Variants in FGF12 observed in about 807,000 individuals in gnomAD.
The protein encoded by FGF12 is fibroblast growth factor 12, also known as fibroblast growth factor 12B.
In FGF12, 14 loss-of-function variants were observed where a neutral mutation model predicts 23.6. The ratio of observed to expected loss-of-function variants is 0.59; its 90% CI spans 0.39 to 0.93. FGF12 has a LOEUF of 0.93. Among genes scored for constraint, FGF12 ranks in the 40% least tolerant of loss-of-function variants. FGF12 has a pLI of 0.00. For missense variants in FGF12, 175 were observed against 217.8 expected (o/e 0.80, Z 1.24); for synonymous variants, 62 against 77.3 (o/e 0.80, Z 1.04).
At chr3:192,572,174 T>C (rs1005779932) in intron 2 of FGF12, among the ~76,000 whole-genome samples, 5 of 152,228 alleles carry the variant, frequency 3.3e-5, no homozygotes, top group African/African-American at 1.2e-4. Flanking sequence ...TCTTTGTTTT[T>C]TATTTCTTCT....
At chr3:192,248,166 A>G (rs1711752636) in intron 4 of FGF12, among the ~76,000 whole-genome samples, 1 of 152,238 alleles carries the variant, frequency 6.6e-6, no homozygotes, top group Admixed American at 6.5e-5. Context: ...ACATGTTCAA[A>G]GGAGCTGAGA....
rs1713538096 is a variant in FGF12 at position 192,143,763 on chromosome 3, T to C, written c.*246A>G. ...TATTTATGGAGTTCTGATTTATTTT[T>C]TCCTTTGCTTTTAAGTGTGCTAATC... On this transcript the variant is annotated 3_prime_UTR_variant, in exon 6 of 6. Transcript: ENST00000445105. The C allele has an allele frequency of 2.5e-6, 1 of 397,934 alleles. No homozygotes were observed. The highest frequency in any genetic ancestry group is 4.3e-5 in the East Asian group (1 of 23,408). The allele number at this position is 397,934 out of a possible 1,614,324, so 24.7% of individuals were successfully genotyped here.
chr3:192,539,768 C>T (rs148460676), intron 2 of FGF12, among the ~76,000 whole-genome samples: 1 of 151,982 alleles, frequency 6.6e-6, no homozygotes. Flanking sequence ...ACCATTGAAG[C>T]CATCAGGTTC....
At chr3:192,468,104 A>G (rs1723063248) in intron 2 of FGF12, among the ~76,000 whole-genome samples, 1 of 152,206 alleles carries the variant, frequency 6.6e-6, no homozygotes. Context: ...TGAATACATA[A>G]GAGACATGGA....
At chr3:192,302,086 A>C (rs1715379848) in intron 4 of FGF12, among the ~76,000 whole-genome samples, 1 of 152,220 alleles carries the variant, frequency 6.6e-6, no homozygotes, top group Non-Finnish European at 1.5e-5. Context: ...AAGTGAGCAC[A>C]ACACTTGCTT....
chr3:192,355,227 T>A (rs182604587), intron 3 of FGF12, among the ~76,000 whole-genome samples: 1 of 152,338 alleles, frequency 6.6e-6, no homozygotes, highest in Admixed American at 6.5e-5. Flanking sequence ...TATAGGATTG[T>A]TTGTATTAGC....
chr3:192,158,353 T>TCTTA (rs1368337318), intron 5 of FGF12, among the ~76,000 whole-genome samples: 1 of 100,358 alleles, frequency 1.0e-5, no homozygotes, highest in African/African-American at 4.1e-5. Flanking sequence ...TTTCTTTCTT[T>TCTTA]CTTTCTTTCT....
At chr3:192,482,759 G>T (rs1215130138) in intron 2 of FGF12, among the ~76,000 whole-genome samples, 1 of 151,962 alleles carries the variant, frequency 6.6e-6, no homozygotes, top group East Asian at 1.9e-4. Flanking sequence ...ACTCCCTTCA[G>T]CAGTAAAACA....
At chr3:192,178,988 G>T (rs561666314) in intron 4 of FGF12, among the ~76,000 whole-genome samples, 3 of 152,286 alleles carry the variant, frequency 2.0e-5, no homozygotes, top group South Asian at 4.1e-4. Context: ...CTTCTGATTT[G>T]CTAACTTCAT....
chr3:192,646,758 A>C (rs1716019431), intron 2 of FGF12, among the ~76,000 whole-genome samples: 1 of 152,200 alleles, frequency 6.6e-6, no homozygotes, highest in Non-Finnish European at 1.5e-5. Context: ...TCTCTTTTGC[A>C]GTGCTGAAAG....
intron 2 of FGF12, among the ~76,000 whole-genome samples, chr3:192,502,587 C>A (rs1279583297): frequency 6.6e-6 from 1 of 152,160 alleles, no homozygotes; most frequent in Non-Finnish European, 1.5e-5. Flanking sequence ...TTTTTCTGGA[C>A]CAGGAGTGGC....
At chr3:192,345,543 C>T (rs1385547512) in intron 3 of FGF12, among the ~76,000 whole-genome samples, 4 of 94,368 alleles carry the variant, frequency 4.2e-5, no homozygotes, top group Admixed American at 1.2e-4. Context: ...AAAAATTAGC[C>T]GGGCGTGGTA....
chr3:192,166,812 TG>T (rs1332437175), intron 5 of FGF12, among the ~76,000 whole-genome samples: 2 of 152,282 alleles, frequency 1.3e-5, no homozygotes, highest in Non-Finnish European at 2.9e-5. Context: ...AGAAGGTGTT[TG>T]GCCTAAAACC....
chr3:192,646,834 G>A (rs1716023433), intron 2 of FGF12, among the ~76,000 whole-genome samples: 1 of 152,056 alleles, frequency 6.6e-6, no homozygotes, highest in Non-Finnish European at 1.5e-5. Context: ...CCAGTACGTT[G>A]TATGTTTTAA....
intron 4 of FGF12, among the ~76,000 whole-genome samples, chr3:192,187,845 G>A (rs1716560407): frequency 6.6e-6 from 1 of 152,160 alleles, no homozygotes; most frequent in Non-Finnish European, 1.5e-5. Flanking sequence ...GAAAGAAAAA[G>A]GAAGGGAAGG....
At chr3:192,214,729 C>A (rs1417978832) in intron 4 of FGF12, among the ~76,000 whole-genome samples, 1 of 152,184 alleles carries the variant, frequency 6.6e-6, no homozygotes, top group South Asian at 2.1e-4. Context: ...AGTCCAAGGC[C>A]AACAGCTGTC....
At chr3:192,263,476 T>C (rs1264701734) in intron 4 of FGF12, among the ~76,000 whole-genome samples, 1 of 151,620 alleles carries the variant, frequency 6.6e-6, no homozygotes, top group East Asian at 1.9e-4. Context: ...TGCTAATTTA[T>C]ACCACTGGTT....
chr3:192,394,177 T>C (rs1179022733), intron 2 of FGF12, among the ~76,000 whole-genome samples: 1 of 152,216 alleles, frequency 6.6e-6, no homozygotes, highest in Non-Finnish European at 1.5e-5. Context: ...TAAATAAACG[T>C]ATTTTCTATT....
chr3:192,413,384 T>C (rs1721255680), intron 2 of FGF12, among the ~76,000 whole-genome samples: 1 of 152,300 alleles, frequency 6.6e-6, no homozygotes, highest in East Asian at 1.9e-4. Context: ...CTGTATGCTG[T>C]TGGACACGTT....
Sources: allele counts gnomAD v4.1 joint callset (sites outside exome capture counted in the v4.1 genomes callset), GRCh38; gene constraint gnomAD v4.1.1; transcripts MANE v1.5; gene names NCBI Gene and HGNC (gene_info 2026-07-23, HGNC 2026-07-21).